The following GALNT13 variants were observed in gnomAD, a reference collection of about 807,000 sequenced individuals.
GALNT13 encodes polypeptide N-acetylgalactosaminyltransferase 13.
Under a neutral mutation model 64.2 loss-of-function variants are expected in GALNT13, and 28 were observed. The observed-to-expected ratio is 0.44, with a 90% CI of 0.32 to 0.60. The LOEUF is 0.60. GALNT13 is among the 20% of genes least tolerant of loss of function. The pLI is 0.05. For missense variants in GALNT13, 577 were observed against 669.8 expected (o/e 0.86, Z 1.53); for synonymous variants, 214 against 224.6 (o/e 0.95, Z 0.42).
chr2:153,918,510 C>T (rs1468890211), intron 2 of GALNT13, among the ~76,000 whole-genome samples: 1 of 152,236 alleles, frequency 6.6e-6, no homozygotes, highest in South Asian at 2.1e-4. Context: ...TCCTTCTTAA[C>T]AGATCATGTG....
At chr2:153,396,540 C>T in the GALNT13 span, among the ~76,000 whole-genome samples, 32 of 151,924 alleles carry the variant, frequency 2.1e-4, no homozygotes, top group East Asian at 3.9e-3. Context: ...GTGTTTTCTG[C>T]GCAATGTAAT....
chr2:153,667,430 A>G, the GALNT13 span, among the ~76,000 whole-genome samples: 8 of 152,344 alleles, frequency 5.3e-5, no homozygotes, highest in South Asian at 2.1e-4. Flanking sequence ...AAGGTCTTTC[A>G]TGAGAACCTC....
the GALNT13 span, among the ~76,000 whole-genome samples, chr2:153,833,564 C>G: frequency 6.6e-6 from 1 of 152,062 alleles, no homozygotes; most frequent in Non-Finnish European, 1.5e-5. Context: ...TGTTGATAAT[C>G]TCTTAGTGTA....
At chr2:153,221,307 C>T in the GALNT13 span, among the ~76,000 whole-genome samples, 2 of 152,084 alleles carry the variant, frequency 1.3e-5, no homozygotes, top group African/African-American at 2.4e-5. Flanking sequence ...TACGTACACA[C>T]CCAAATCGAT....
the GALNT13 span, among the ~76,000 whole-genome samples, chr2:153,606,398 A>G: frequency 1.3e-5 from 2 of 152,102 alleles, no homozygotes; most frequent in Non-Finnish European, 2.9e-5. Flanking sequence ...AGATTGTCCA[A>G]TCTGTGGACC....
chr2:153,367,222 T>G, the GALNT13 span, among the ~76,000 whole-genome samples: 1 of 152,124 alleles, frequency 6.6e-6, no homozygotes, highest in Non-Finnish European at 1.5e-5. Flanking sequence ...AGTGATGCAT[T>G]GCATGTTTAT....
chr2:153,581,051 T>C, the GALNT13 span, among the ~76,000 whole-genome samples: 1 of 152,160 alleles, frequency 6.6e-6, no homozygotes, highest in Non-Finnish European at 1.5e-5. Context: ...GTGCTCAACA[T>C]ATTGTGTTAT....
the GALNT13 span, among the ~76,000 whole-genome samples, chr2:153,793,547 T>C: frequency 1.3e-5 from 2 of 152,132 alleles, no homozygotes; most frequent in Non-Finnish European, 2.9e-5. Flanking sequence ...TATTGCTCCT[T>C]GTCTCTGTTC....
At chr2:153,688,143 T>G in the GALNT13 span, among the ~76,000 whole-genome samples, 1 of 151,936 alleles carries the variant, frequency 6.6e-6, no homozygotes, top group East Asian at 1.9e-4. Flanking sequence ...TAAATAAAAT[T>G]TTATTGGAAC....
chr2:153,076,075 T>C, the GALNT13 span, among the ~76,000 whole-genome samples: 1 of 152,314 alleles, frequency 6.6e-6, no homozygotes, highest in East Asian at 1.9e-4. Context: ...TTGATAGCTT[T>C]GTAAAAAGTC....
At chr2:153,545,185 G>A in the GALNT13 span, among the ~76,000 whole-genome samples, 19 of 152,158 alleles carry the variant, frequency 1.2e-4, 1 homozygote, top group South Asian at 3.5e-3. Context: ...GTCCACAGCC[G>A]GTGAGGTGAA....
At chr2:153,215,897 T>C in the GALNT13 span, among the ~76,000 whole-genome samples, 1 of 151,982 alleles carries the variant, frequency 6.6e-6, no homozygotes, top group African/African-American at 2.4e-5. Context: ...TTTTGACAAA[T>C]GCTTAGGGTC....
At chr2:154,034,752 G>GTCCATTTATTAATGTACACA (rs374784222) in intron 3 of GALNT13, among the ~76,000 whole-genome samples, 1 of 152,080 alleles carries the variant, frequency 6.6e-6, no homozygotes, top group African/African-American at 2.4e-5. Flanking sequence ...GTTCATCTGT[G>GTCCATTTATTAATGTACACA]TTGATACAAA....
At chr2:154,159,283 T>A (rs1357206664) in intron 4 of GALNT13, among the ~76,000 whole-genome samples, 1 of 151,982 alleles carries the variant, frequency 6.6e-6, no homozygotes, top group East Asian at 1.9e-4. Context: ...TACAGGCACA[T>A]GCCACCATGC....
the GALNT13 span, among the ~76,000 whole-genome samples, chr2:153,133,044 T>A: frequency 6.6e-6 from 1 of 151,910 alleles, no homozygotes; most frequent in Non-Finnish European, 1.5e-5. Context: ...AATTTTTTTT[T>A]TTTTTTTTTT....
At chr2:153,296,677 A>C in the GALNT13 span, among the ~76,000 whole-genome samples, 1 of 152,182 alleles carries the variant, frequency 6.6e-6, no homozygotes, top group Non-Finnish European at 1.5e-5. Context: ...CTGTGTTTCT[A>C]GTAGTTACTT....
chr2:153,283,200 G>A, the GALNT13 span, among the ~76,000 whole-genome samples: 24 of 152,260 alleles, frequency 1.6e-4, no homozygotes, highest in Admixed American at 1.2e-3. Flanking sequence ...CCCTGATGGC[G>A]GGCACTAGTA....
At chr2:153,393,267 A>AT in the GALNT13 span, among the ~76,000 whole-genome samples, 40,273 of 145,954 alleles carry the variant, frequency 0.28, 6,718 homozygotes, top group Non-Finnish European at 0.4. Flanking sequence ...AGAAGTCTCC[A>AT]TTTTTTTTTT....
At chr2:154,332,767 T>G (rs1367288375) in intron 9 of GALNT13, among the ~76,000 whole-genome samples, 1 of 152,140 alleles carries the variant, frequency 6.6e-6, no homozygotes, top group Non-Finnish European at 1.5e-5. Context: ...AAATGATATT[T>G]AACTCAATCC....
Sources: gnomAD v4.1 joint callset for allele counts (sites outside exome capture counted in the v4.1 genomes callset) on GRCh38, gnomAD v4.1.1 for gene constraint, MANE v1.5 for transcripts, NCBI Gene and HGNC (gene_info 2026-07-23, HGNC 2026-07-21) for gene names.